Variants in L3MBTL4 observed in about 807,000 individuals in gnomAD.
L3MBTL4 encodes L3MBTL histone methyl-lysine binding protein 4, also known as lethal(3)malignant brain tumor-like protein 4.
A neutral mutation model predicts 84.5 loss-of-function variants in L3MBTL4; 70 were observed. That is an observed-to-expected ratio of 0.83 (90% CI 0.68 to 1.01). L3MBTL4 has a LOEUF of 1.01. Among genes scored for constraint, L3MBTL4 ranks in the 50% least tolerant of loss-of-function variants. The pLI is 0.00. For synonymous variants in L3MBTL4, 274 were observed against 259.8 expected, an observed-to-expected ratio of 1.05 and a Z score of -0.52; for missense variants, 715 against 754.8, an observed-to-expected ratio of 0.95 and a Z score of 0.62.
intron 1 of L3MBTL4, among the ~76,000 whole-genome samples, chr18:6,386,842 A>G (rs960981698): frequency 2.0e-5 from 3 of 152,202 alleles, no homozygotes; most frequent in African/African-American, 7.2e-5. Flanking sequence ...ACAGACTTTC[A>G]TTTTATTATG....
At chr18:6,161,793 A>G (rs2043351825) in intron 13 of L3MBTL4, among the ~76,000 whole-genome samples, 1 of 152,132 alleles carries the variant, frequency 6.6e-6, no homozygotes, top group African/African-American at 2.4e-5. Context: ...GTAAAACAAC[A>G]GTAGCAATCT....
At chr18:5,978,186 T>G (rs961291651) in intron 16 of L3MBTL4, among the ~76,000 whole-genome samples, 1 of 152,216 alleles carries the variant, frequency 6.6e-6, no homozygotes, top group Non-Finnish European at 1.5e-5. Context: ...TTGTCAAATA[T>G]ACTCATTGCT....
intron 4 of L3MBTL4, among the ~76,000 whole-genome samples, chr18:6,292,377 T>A (rs1235018707): frequency 6.6e-6 from 1 of 152,226 alleles, no homozygotes; most frequent in African/African-American, 2.4e-5. Flanking sequence ...GTCTAATATT[T>A]GTAAAGTCGA....
At chr18:6,154,623 C>T (rs1043906234) in intron 13 of L3MBTL4, among the ~76,000 whole-genome samples, 2 of 152,192 alleles carry the variant, frequency 1.3e-5, no homozygotes, top group Non-Finnish European at 2.9e-5. Flanking sequence ...CAGCATGACC[C>T]TCAATTCACA....
At chr18:6,412,276 A>C (rs1371546408) in intron 1 of L3MBTL4, among the ~76,000 whole-genome samples, 1 of 152,126 alleles carries the variant, frequency 6.6e-6, no homozygotes, top group African/African-American at 2.4e-5. Flanking sequence ...AATGGAATTT[A>C]TCCTTTCCAC....
chr18:6,411,034 G>A (rs898008853), intron 1 of L3MBTL4, among the ~76,000 whole-genome samples: 8 of 152,294 alleles, frequency 5.3e-5, no homozygotes, highest in Admixed American at 1.3e-4. Context: ...CATTGCTACC[G>A]TGGAAAAAAT....
At chr18:6,242,513 G>A (rs1470217307) in intron 7 of L3MBTL4, among the ~76,000 whole-genome samples, 1 of 152,184 alleles carries the variant, frequency 6.6e-6, no homozygotes, top group Non-Finnish European at 1.5e-5. Context: ...GAATGAGCCT[G>A]TAGCCTGTCA....
At chr18:6,129,440 G>A (rs906774443) in intron 14 of L3MBTL4, among the ~76,000 whole-genome samples, 1 of 146,930 alleles carries the variant, frequency 6.8e-6, no homozygotes, top group African/African-American at 2.5e-5. Context: ...ATTAAGTTTG[G>A]TATTTCTTCC....
At chr18:6,393,904 A>G (rs944107542) in intron 1 of L3MBTL4, among the ~76,000 whole-genome samples, 2 of 152,110 alleles carry the variant, frequency 1.3e-5, no homozygotes. Context: ...GTGGCTACAG[A>G]GCACTCCATC....
At chr18:6,318,494 T>TAAAAAAAAAAAAAAAAAAAAAAA (rs71370550) in intron 1 of L3MBTL4, among the ~76,000 whole-genome samples, 3 of 14,202 alleles carry the variant, frequency 2.1e-4, no homozygotes, top group Non-Finnish European at 3.9e-4. Flanking sequence ...ACAACAATAG[T>TAAAAAAAAAAAAAAAAAAAAAAA]AAAAAAAAAA....
chr18:6,335,579 T>C (rs759684128), intron 1 of L3MBTL4, among the ~76,000 whole-genome samples: 50 of 152,210 alleles, frequency 3.3e-4, no homozygotes, highest in Non-Finnish European at 4.0e-4. Context: ...GTGATATGGT[T>C]TGGCTCTGTG....
chr18:5,958,151 GAAGAAGAAC>G lies in L3MBTL4; in HGVS notation c.1678-1773_1678-1765del, dbSNP rs2095243386. The stretch of plus-strand genomic sequence containing the variant: ...AGAAAAAGAAGAAGAAGAAGAAGAA[GAAGAAGAAC>G]AAGAAGAAGAAGAAGACGACGAAGA... On this transcript the variant is annotated intron_variant, in intron 18 of 18. Coordinates refer to ENST00000317931, the MANE Select transcript of L3MBTL4 (RefSeq NM_001330559.2). 4.9e-4 allele frequency among the ~76,000 whole-genome samples: 33 copies of G among 66,704 alleles called. 3 individuals are homozygous for G. Among genetic ancestry groups the G allele is most frequent in the African/African-American group, 1.7e-3 (30 of 17,532 alleles). 43.8% of individuals were successfully genotyped at this position (66,704 alleles called of 152,430 possible).
chr18:6,043,242 A>G (rs180901357), intron 16 of L3MBTL4, among the ~76,000 whole-genome samples: 1 of 152,062 alleles, frequency 6.6e-6, no homozygotes, highest in East Asian at 1.9e-4. Context: ...CTCCCTGATC[A>G]TTTACTCTCC....
At chr18:6,215,973 A>G in intron 10 of L3MBTL4, 138 bp from the exon 11 acceptor site, 1 of 510,490 alleles carries the variant, frequency 2.0e-6, no homozygotes, top group Non-Finnish European at 3.4e-6. Context: ...TAAGAACTTC[A>G]GATATATTAA....
chr18:6,121,945 C>G (rs2059543698), intron 14 of L3MBTL4, among the ~76,000 whole-genome samples: 1 of 152,134 alleles, frequency 6.6e-6, no homozygotes, highest in Admixed American at 6.5e-5. Context: ...GGCATAATTT[C>G]AACTACCACT....
intron 14 of L3MBTL4, among the ~76,000 whole-genome samples, chr18:6,096,592 G>A (rs1021040887): frequency 2.6e-5 from 4 of 152,166 alleles, no homozygotes; most frequent in Non-Finnish European, 4.4e-5. Context: ...TGGTGCTTAT[G>A]TGCATGCACG....
chr18:6,003,051 A>T (rs1234239500), intron 16 of L3MBTL4, among the ~76,000 whole-genome samples: 6 of 115,654 alleles, frequency 5.2e-5, no homozygotes, highest in Non-Finnish European at 7.0e-5. Flanking sequence ...ATACTATATA[A>T]AATATAGTAT....
intron 1 of L3MBTL4, among the ~76,000 whole-genome samples, chr18:6,335,590 T>C (rs568625073): frequency 6.6e-6 from 1 of 152,332 alleles, no homozygotes; most frequent in South Asian, 2.1e-4. Flanking sequence ...TGGCTCTGTG[T>C]TCCCACCCAA....
intron 1 of L3MBTL4, among the ~76,000 whole-genome samples, chr18:6,357,475 C>T (rs531837724): frequency 6.6e-6 from 1 of 152,222 alleles, no homozygotes; most frequent in Non-Finnish European, 1.5e-5. Context: ...CCCCATCATC[C>T]CCTACCAATG....
Sources: gnomAD v4.1 joint callset for allele counts (sites outside exome capture counted in the v4.1 genomes callset) on GRCh38, gnomAD v4.1.1 for gene constraint, MANE v1.5 for transcripts, NCBI Gene and HGNC (gene_info 2026-07-23, HGNC 2026-07-21) for gene names.